Variants in PPP1R2 observed in about 807,000 individuals in gnomAD.
PPP1R2 encodes the protein protein phosphatase 1 regulatory inhibitor subunit 2.
PPP1R2 carries 16 observed loss-of-function variants against 29.9 expected under a neutral mutation model. The observed-to-expected ratio is 0.53, with a 90% CI of 0.36 to 0.81. PPP1R2 has a LOEUF of 0.81. Ranked by LOEUF, PPP1R2 falls within the 30% of genes least tolerant of loss-of-function variation. The pLI is 0.00. For synonymous variants in PPP1R2, 76 were observed against 91.5 expected, an observed-to-expected ratio of 0.83 and a Z score of 0.96; for missense variants, 197 against 252.7, an observed-to-expected ratio of 0.78 and a Z score of 1.49.
intron 1 of PPP1R2, among the ~76,000 whole-genome samples, chr3:195,541,801 GTCCTT>G (rs1428966253): frequency 2.6e-5 from 4 of 152,084 alleles, no homozygotes; most frequent in Admixed American, 2.0e-4. Flanking sequence ...AAAAACTAAG[GTCCTT>G]TCCAGCCCCA....
chr3:195,537,481 T>TTTTTTGTGTGTGTGTGTG (rs150119072), intron 1 of PPP1R2, among the ~76,000 whole-genome samples: 14 of 128,516 alleles, frequency 1.1e-4, no homozygotes, highest in African/African-American at 3.0e-4. Context: ...GGATTAGCTA[T>TTTTTTGTGTGTGTGTGTG]TGTGTGTGTG....
chr3:195,518,233 T>TA (rs1281288836), intron 5 of PPP1R2, among the ~76,000 whole-genome samples: 29 of 149,036 alleles, frequency 1.9e-4, no homozygotes, highest in South Asian at 4.2e-4. Flanking sequence ...GTCTAAGACT[T>TA]AAAAAAAAAA....
chr3:195,542,824 C>T, intron 1 of PPP1R2, 80 bp downstream of exon 1: 1 of 1,434,672 alleles, frequency 7.0e-7, no homozygotes, highest in Non-Finnish European at 9.2e-7. Context: ...ATCCACGCCG[C>T]CCGCCCGCCC....
intron 1 of PPP1R2, among the ~76,000 whole-genome samples, chr3:195,534,620 G>A (rs1719305428): frequency 6.6e-6 from 1 of 152,038 alleles, no homozygotes; most frequent in Non-Finnish European, 1.5e-5. Flanking sequence ...TAGAAGGTCT[G>A]GACAACGAGA....
At chr3:195,517,897 T>G (rs939299368) in intron 5 of PPP1R2, among the ~76,000 whole-genome samples, 93 of 152,324 alleles carry the variant, frequency 6.1e-4, no homozygotes, top group African/African-American at 2.0e-3. Flanking sequence ...CAAAAAGTAC[T>G]GTAATCCTGA....
chr3:195,531,759 C>T (rs1719187188), intron 1 of PPP1R2, among the ~76,000 whole-genome samples: 1 of 152,142 alleles, frequency 6.6e-6, no homozygotes, highest in African/African-American at 2.4e-5. Flanking sequence ...AATTCTATGG[C>T]ATTAAGAACA....
rs1491131606 is a variant in PPP1R2, at chr3:195,532,219, T to TTCTTTC, written c.123-2319_123-2318insGAAAGA. ...CTAATTTTTCTTTTTCTTTTTCTTT[T>TTCTTTC]TTTTTTTTTTTTTTTACAGGTGGAG... is the stretch of plus-strand genomic sequence containing the variant. On this transcript the variant is annotated intron_variant, in intron 1 of 5. Transcript: ENST00000618156. Among the ~76,000 whole-genome samples, 4 of 145,972 alleles carry TTCTTTC rather than the reference T, an allele frequency of 2.7e-5. No individual in the cohort carries two copies. The East Asian group carries it at 6.1e-4, about 22-fold the overall frequency.
In PPP1R2 at chr3:195,516,780, T is replaced by A. The variant is rs1266977104; in HGVS notation, c.*116A>T. ...TTATCATTTAATTCTTGGCAATATA[T>A]AATAACTGGTATGCATTTTGGTACT... On this transcript the variant is annotated 3_prime_UTR_variant, in exon 6 of 6. Coordinates refer to ENST00000618156, the MANE Select transcript of PPP1R2 (RefSeq NM_006241.8). The A allele has an allele frequency of 1.2e-6, 1 of 808,978 alleles. No homozygotes were observed. Among genetic ancestry groups the A allele is most frequent in the African/African-American group, 1.7e-5 (1 of 58,230 alleles). 50.1% of individuals were successfully genotyped at this position (808,978 alleles called of 1,614,324 possible).
chr3:195,518,810 T>C (rs747802852), intron 5 of PPP1R2, among the ~76,000 whole-genome samples: 2 of 152,158 alleles, frequency 1.3e-5, no homozygotes, highest in African/African-American at 2.4e-5. Context: ...TAATAAAACA[T>C]ATGGTCTAAA....
chr3:195,532,939 G>A (rs1428532510), intron 1 of PPP1R2, among the ~76,000 whole-genome samples: 2 of 152,170 alleles, frequency 1.3e-5, no homozygotes, highest in African/African-American at 4.8e-5. Flanking sequence ...ACATGGTGTT[G>A]GATCTGCAGT....
chr3:195,529,965 T>C, intron 1 of PPP1R2, 64 bp from the exon 2 acceptor site: 1 of 1,133,682 alleles, frequency 8.8e-7, no homozygotes, highest in South Asian at 1.4e-5. Flanking sequence ...ATATCAAAAT[T>C]CACAAATGTC....
chr3:195,525,929 A>C (rs1718954257), intron 2 of PPP1R2, among the ~76,000 whole-genome samples: 1 of 152,154 alleles, frequency 6.6e-6, no homozygotes, highest in African/African-American at 2.4e-5. Flanking sequence ...AGGTAAAATA[A>C]ACATTTTGTT....
rs768827665 is a variant in PPP1R2 at position 195,527,952 on chromosome 3, A to T, written c.230+1842T>A. On this transcript the variant is annotated intron_variant, in intron 2 of 5. Transcript: ENST00000618156. ...ATATAAACCTCTTTTTAGCATGCGT[A>T]TTTTTTTTTAACTAATTGTAATTTT... The T allele has an allele frequency of 6.6e-4, 200 of 304,886 alleles. 2 individuals carry two copies. Among genetic ancestry groups the T allele is most frequent in the African/African-American group, 4.3e-3 (190 of 43,964 alleles). 18.9% of individuals were successfully genotyped at this position (304,886 alleles called of 1,614,324 possible).
rs1186598696 is a variant in PPP1R2 at position 195,529,868 on chromosome 3, G to A, written c.156C>T (p.Ile52=). 3.7e-6 allele frequency: 6 copies of A among 1,611,158 alleles called. No individual in the cohort carries two copies. The highest frequency in any genetic ancestry group is 5.1e-6 in the Non-Finnish European group (6 of 1,179,452). ...KKSQKWDEMN[I]LATYHPADKD... ...TGTCTGCTGGATGATACGTCGCCAAGATGTTCATTTCATCCCACTTCTGGG... is the reference window on the plus strand; with the variant it reads ...TGTCTGCTGGATGATACGTCGCCAAAATGTTCATTTCATCCCACTTCTGGG... Residue 52 remains isoleucine (I), a synonymous_variant, in exon 2 of 6, where the codon ATC becomes ATT. Transcript: ENST00000618156.
At chr3:195,525,007 G>A (rs1164271776) in intron 2 of PPP1R2, 111 bp from the exon 3 acceptor site, 2 of 845,088 alleles carry the variant, frequency 2.4e-6, no homozygotes, top group East Asian at 5.2e-5. Context: ...TATATTTATA[G>A]CTCTGTTGAT....
In PPP1R2 at chr3:195,543,207, G is replaced by C. The variant is rs1232145788; in HGVS notation, c.-182C>G. 23 of 793,694 alleles carry C rather than the reference G, an allele frequency of 2.9e-5. No individual in the cohort carries two copies. The highest frequency in any genetic ancestry group is 4.1e-5 in the Non-Finnish European group (22 of 538,642). The allele number at this position is 793,694 out of a possible 1,614,324, so 49.2% of individuals were successfully genotyped here. On this transcript the variant is annotated 5_prime_UTR_variant, in exon 1 of 6. Coordinates refer to ENST00000618156, the MANE Select transcript of PPP1R2 (RefSeq NM_006241.8). ...TCACGACACAACGACCCCGACGCCA[G>C]AGCCAACGCCGAACGGGTGGCGGCT...
rs1156647486 is a variant in PPP1R2 at position 195,515,196 on chromosome 3, T to G, written c.*1700A>C. On this transcript the variant is annotated 3_prime_UTR_variant, in exon 6 of 6. Coordinates refer to ENST00000618156, the MANE Select transcript of PPP1R2 (RefSeq NM_006241.8). ...AACCAGAGACAAACAGTTTTGTTTC[T>G]AAATCAGTGGTATTCCTAGCTGAAA... is the stretch of plus-strand genomic sequence containing the variant. The G allele has an allele frequency of 6.1e-6, 1 of 164,136 alleles. No homozygotes were observed. Among genetic ancestry groups the G allele is most frequent in the African/African-American group, 2.4e-5 (1 of 41,526 alleles). The allele number at this position is 164,136 out of a possible 1,614,324, so 10.2% of individuals were successfully genotyped here.
At position 195,540,208 on chromosome 3, in the gene PPP1R2, A is replaced by G. The variant is rs1719541839; in HGVS notation, c.122+2696T>C. Among the ~76,000 whole-genome samples, 6 of 152,248 alleles carry G rather than the reference A, an allele frequency of 3.9e-5. No individual in the cohort carries two copies. The South Asian group carries it at 1.0e-3, about 26-fold the overall frequency. Reference sequence around the variant, plus strand: ...GAGCAGGGCAGATTCTGAGTTGCCCAGTGCACCGTTCACAGCCGAGGTAGC... The same window carrying G: ...GAGCAGGGCAGATTCTGAGTTGCCCGGTGCACCGTTCACAGCCGAGGTAGC... On this transcript the variant is annotated intron_variant, in intron 1 of 5. Coordinates refer to ENST00000618156, the MANE Select transcript of PPP1R2 (RefSeq NM_006241.8).
At chr3:195,532,213 T>TTA (rs1719208829) in intron 1 of PPP1R2, among the ~76,000 whole-genome samples, 1 of 92,986 alleles carries the variant, frequency 1.1e-5, no homozygotes, top group Admixed American at 1.6e-4. Context: ...CTTTTTCTTT[T>TTA]TCTTTTTTTT....
Sources: gnomAD v4.1 joint callset for allele counts (sites outside exome capture counted in the v4.1 genomes callset) on GRCh38, gnomAD v4.1.1 for gene constraint, MANE v1.5 for transcripts, NCBI Gene and HGNC (gene_info 2026-07-23, HGNC 2026-07-21) for gene names.